The following PCARE variants were observed in gnomAD, a reference collection of about 807,000 sequenced individuals.
PCARE encodes uncharacterized protein C2orf71.
PCARE carries 72 observed loss-of-function variants against 82.2 expected under a neutral mutation model. That is an observed-to-expected ratio of 0.88 (90% confidence interval 0.72 to 1.07). The LOEUF (loss-of-function observed/expected upper bound fraction) is 1.07, where lower values mean the gene tolerates loss of function less well. Among genes scored for constraint, PCARE ranks in the 50% least tolerant of loss-of-function variants. PCARE has a pLI of 0.00. For synonymous variants in PCARE, 705 were observed against 634.8 expected, an observed-to-expected ratio of 1.11 and a Z score of -1.66; for missense variants, 1,768 against 1,592.4, an observed-to-expected ratio of 1.11 and a Z score of -1.88.
At position 29,071,906 on chromosome 2, in the gene PCARE, C is replaced by G. The variant is rs1406654014; in HGVS notation, c.2356G>C (p.Ala786Pro). The G allele has an allele frequency of 1.2e-6, 2 of 1,614,202 alleles. No individual in the cohort carries two copies. Among genetic ancestry groups the G allele is most frequent in the Non-Finnish European group, 1.7e-6 (2 of 1,180,032 alleles). ...PLYPKPQISP[A>P]SGRESLKMGI... ...ATTTTGAGAGATTCTCTGCCTGATGCTGGAGAAATTTGGGGCTTCGGATAC... is the reference window on the plus strand; with the variant it reads ...ATTTTGAGAGATTCTCTGCCTGATGGTGGAGAAATTTGGGGCTTCGGATAC... Residue 786 changes from alanine to proline, a missense_variant, in exon 1 of 2, where the codon GCA becomes CCA. Ala to Pro is a conservative substitution (Grantham distance 27). Transcript: ENST00000331664.
At chr2:29,067,798 G>C (rs1667412655) in intron 1 of PCARE, among the ~76,000 whole-genome samples, 1 of 152,158 alleles carries the variant, frequency 6.6e-6, no homozygotes, top group Middle Eastern at 3.2e-3. Context: ...ACCCACCTCA[G>C]CCTCCCAAAG....
chr2:29,068,102 TAATA>T (rs1667417047), intron 1 of PCARE, among the ~76,000 whole-genome samples: 1 of 152,252 alleles, frequency 6.6e-6, no homozygotes, highest in Admixed American at 6.5e-5. Context: ...TCTAGAAATC[TAATA>T]ACTGAATAAG....
At position 29,072,275 on chromosome 2, in the gene PCARE, T is replaced by C; in HGVS notation, c.1987A>G (p.Thr663Ala). 1 of 1,614,246 alleles carries C rather than the reference T, an allele frequency of 6.2e-7. No individual in the cohort carries two copies. The highest frequency in any genetic ancestry group is 8.5e-7 in the Non-Finnish European group (1 of 1,180,040). The change falls in exon 1 of 2, where the codon ACC becomes GCC. Residue 663 changes from threonine to alanine, a missense_variant. Coordinates refer to ENST00000331664, the MANE Select transcript of PCARE (RefSeq NM_001029883.3). ...GTGAGGGATGCCTTGAGCCTGCTGG[T>C]GGTGTTGCTTGGACTGACCCTGCAG... ...GTCRVSPSNTTSRLKASLTKN... is the reference protein window; with the variant it reads ...GTCRVSPSNTASRLKASLTKN...
rs1220510326 is a variant in PCARE, at chr2:29,071,551, T to C, written c.2711A>G (p.His904Arg). The C allele has an allele frequency of 1.9e-6, 3 of 1,610,652 alleles. No homozygotes were observed. Among genetic ancestry groups the C allele is most frequent in the African/African-American group, 2.7e-5 (2 of 75,050 alleles). Reference sequence around the variant, plus strand: ...CCTGCCACTCCCTGGCCCTGTGCTGTGAGGCTTGGTCAGGCTGGCGGTGCT... The same window carrying C: ...CCTGCCACTCCCTGGCCCTGTGCTGCGAGGCTTGGTCAGGCTGGCGGTGCT... ...SKSTASLTKP[H>R]STGPGSGRSS... is the part of the protein sequence containing the mutation. The change falls in exon 1 of 2, where the codon CAC (histidine) becomes CGC (arginine). Residue 904 changes from histidine (H) to arginine (R), a missense_variant. Coordinates refer to ENST00000331664, the MANE Select transcript of PCARE (RefSeq NM_001029883.3).
At position 29,074,099 on chromosome 2, in the gene PCARE, C is replaced by T. The variant is rs1467478035; in HGVS notation, c.163G>A (p.Glu55Lys). 6.2e-7 allele frequency: 1 copy of T among 1,614,196 alleles called. No individual in the cohort carries two copies. Among genetic ancestry groups the T allele is most frequent in the South Asian group, 1.1e-5 (1 of 91,080 alleles). ...CTTGGCTGCTCCTCTGCCAGGCCCTCCCCAGCGTCATAGCAGGTGGAGTTT... is the reference window on the plus strand; with the variant it reads ...CTTGGCTGCTCCTCTGCCAGGCCCTTCCCAGCGTCATAGCAGGTGGAGTTT... ...VKNSTCYDAG[E>K]GLAEEQPSPR... Residue 55 changes from glutamate to lysine, a missense_variant, in exon 1 of 2, where the codon GAG (glutamate) becomes AAG (lysine). Transcript: ENST00000331664.
rs1196715381 is a variant in PCARE, at chr2:29,071,635, G to A, written c.2627C>T (p.Thr876Ile). Residue 876 changes from threonine (T) to isoleucine (I), a missense_variant, in exon 1 of 2, where the codon ACA becomes ATA. Transcript: ENST00000331664. The stretch of plus-strand genomic sequence containing the variant: ...GGCCCTCAGCTTTGGGGAAGCCCAT[G>A]TTCTCCTGGTGGGGCCAGCCTCTCC... ...GPGEAGPTRRTWASPKLRASV... is the reference protein window; with the variant it reads ...GPGEAGPTRRIWASPKLRASV... 6.2e-7 allele frequency: 1 copy of A among 1,613,780 alleles called. No individual in the cohort carries two copies. The highest frequency in any genetic ancestry group is 8.5e-7 in the Non-Finnish European group (1 of 1,179,862).
chr2:29,074,278 C>A lies in PCARE; in HGVS notation c.-17G>T, dbSNP rs761690235. The A allele has an allele frequency of 9.2e-6, 14 of 1,518,138 alleles. No homozygotes were observed. The African/African-American group carries it at 1.7e-4, about 18-fold the overall frequency. 94.0% of individuals were successfully genotyped at this position (1,518,138 alleles called of 1,614,324 possible). A position where few individuals can be genotyped will look rare whatever the true frequency, so the allele number is the denominator to read the frequency against. ...ACACCCCATGATTTCAGCTTGTAGT[C>A]ATCTTCCACCCACCTTCACAATTTT... On this transcript the variant is annotated 5_prime_UTR_variant, in exon 1 of 2. An upstream start codon of the reference 5' UTR is lost. Coordinates refer to ENST00000331664, the MANE Select transcript of PCARE (RefSeq NM_001029883.3).
In PCARE at chr2:29,064,594, A is replaced by G. The variant is rs1306157894; in HGVS notation, c.*275T>C. The stretch of plus-strand genomic sequence containing the variant: ...CATTCTCCACCCCCCACCCCACCCC[A>G]AATTAAGGCCAGCACTTGAAGCATT... On this transcript the variant is annotated 3_prime_UTR_variant, in exon 2 of 2. Transcript: ENST00000331664. The G allele has an allele frequency of 5.5e-6, 3 of 548,026 alleles. No homozygotes were observed. In the East Asian group the frequency reaches 9.4e-5, roughly 17 times the overall value. The allele number at this position is 548,026 out of a possible 1,614,324, so 33.9% of individuals were successfully genotyped here. A position where few individuals can be genotyped will look rare whatever the true frequency, so the allele number is the denominator to read the frequency against.
intron 1 of PCARE, among the ~76,000 whole-genome samples, 195 bp downstream of exon 1, chr2:29,070,399 A>G (rs1032006471): frequency 2.0e-5 from 3 of 152,162 alleles, no homozygotes; most frequent in African/African-American, 7.2e-5. Context: ...TGGAATGTGT[A>G]ACAGATAAGA....
rs1667348984 is a variant in PCARE at position 29,063,972 on chromosome 2, A to G, written c.*897T>C. 6.5e-6 allele frequency: 1 copy of G among 153,220 alleles called. No individual in the cohort carries two copies. 9.5% of individuals were successfully genotyped at this position (153,220 alleles called of 1,614,324 possible). On this transcript the variant is annotated 3_prime_UTR_variant, in exon 2 of 2. Coordinates refer to ENST00000331664, the MANE Select transcript of PCARE (RefSeq NM_001029883.3). ...TGGAGAATGGGCTGCCTTGTTTGGG[A>G]GGCTTGGTTTACCCTACTCCGTCGA...
At chr2:29,066,635 C>A (rs7569316) in intron 1 of PCARE, among the ~76,000 whole-genome samples, 31,373 of 152,134 alleles carry the variant, frequency 0.21, 3,738 homozygotes, top group East Asian at 0.36. Flanking sequence ...GTGGGGTGGG[C>A]GCTAAGACCA....
At position 29,065,082 on chromosome 2, in the gene PCARE, G is replaced by T. The variant is rs1667372732; in HGVS notation, c.3669-15C>A. Reference sequence around the variant, plus strand: ...CCTCGCTGCTGCTGCCGAGAGAAAGGACAAGTGCAGGTCAGACACTCCTCC... The same window carrying T: ...CCTCGCTGCTGCTGCCGAGAGAAAGTACAAGTGCAGGTCAGACACTCCTCC... On this transcript the variant is annotated splice_polypyrimidine_tract_variant and intron_variant, in intron 1 of 1. Transcript: ENST00000331664. The T allele has an allele frequency of 6.5e-7, 1 of 1,548,640 alleles. No individual in the cohort carries two copies. Among genetic ancestry groups the T allele is most frequent in the African/African-American group, 1.4e-5 (1 of 73,048 alleles).
intron 1 of PCARE, among the ~76,000 whole-genome samples, chr2:29,068,121 G>A (rs902953349): frequency 1.3e-5 from 2 of 152,294 alleles, no homozygotes; most frequent in East Asian, 1.9e-4. Context: ...AATAAGTGGC[G>A]GGAGTGAGGA....
chr2:29,074,338 A>G lies in PCARE; in HGVS notation c.-77T>C, dbSNP rs976075247. ...ATATTTGAAATAGGAACAAAAGGCA[A>G]TCTTACTAGTCCATCCAGGCAATTT... is the stretch of plus-strand genomic sequence containing the variant. On this transcript the variant is annotated 5_prime_UTR_variant, in exon 1 of 2. Transcript: ENST00000331664. The G allele has an allele frequency of 1.4e-6, 2 of 1,455,234 alleles. No homozygotes were observed. The highest frequency in any genetic ancestry group is 2.3e-5 in the East Asian group (1 of 43,770). 90.1% of individuals were successfully genotyped at this position (1,455,234 alleles called of 1,614,324 possible).
At chr2:29,066,475 G>A (rs1265676872) in intron 1 of PCARE, among the ~76,000 whole-genome samples, 2 of 152,242 alleles carry the variant, frequency 1.3e-5, no homozygotes, top group Non-Finnish European at 1.5e-5. Flanking sequence ...CTCTGCTCGC[G>A]ACAGCACATT....
Position 29,064,518 on chromosome 2 carries a change from G to A in PCARE, c.*351C>T, listed in dbSNP as rs1489902993. 2.3e-6 allele frequency: 1 copy of A among 437,098 alleles called. No individual in the cohort carries two copies. The highest frequency in any genetic ancestry group is 4.2e-6 in the Non-Finnish European group (1 of 236,776). 27.1% of individuals were successfully genotyped at this position (437,098 alleles called of 1,614,324 possible). On this transcript the variant is annotated 3_prime_UTR_variant, in exon 2 of 2. Coordinates refer to ENST00000331664, the MANE Select transcript of PCARE (RefSeq NM_001029883.3). Reference sequence around the variant, plus strand: ...CTTCATTCACTGTTGTGAGGCTTAAGTGATCTCAAGGAATGAACCCAGTTA... The same window carrying A: ...CTTCATTCACTGTTGTGAGGCTTAAATGATCTCAAGGAATGAACCCAGTTA...
In PCARE at chr2:29,071,726, G is replaced by T; in HGVS notation, c.2536C>A (p.Leu846Met). 1 of 1,614,004 alleles carries T rather than the reference G, an allele frequency of 6.2e-7. No homozygotes were observed. Among genetic ancestry groups the T allele is most frequent in the African/African-American group, 1.3e-5 (1 of 75,052 alleles). The change falls in exon 1 of 2, where the codon CTG becomes ATG. Residue 846 changes from leucine to methionine, a missense_variant. By Grantham distance (15) the Leu-to-Met change is conservative. Transcript: ENST00000331664. ...EVLMDKSFAS[L>M]ESPESSKSTE... ...GACTTGCTGCTTTCTGGGGACTCCA[G>T]AGAAGCGAATGATTTGTCCATCAGA...
At position 29,070,787 on chromosome 2, in the gene PCARE, G is replaced by A. The variant is rs1338838387; in HGVS notation, c.3475C>T (p.Pro1159Ser). ...GAGCTGTTCTTCCAGCATTCTGCTG[G>A]GTTCCCGAGAGGGCCCCCAGCCTCT... ...PPEAGGPLGN[P>S]AECWKNSSGP... The change falls in exon 1 of 2, where the codon CCA (proline) becomes TCA (serine). Residue 1159 changes from proline to serine, a missense_variant. Transcript: ENST00000331664. 2.5e-6 allele frequency: 4 copies of A among 1,614,036 alleles called. No individual in the cohort carries two copies. Among genetic ancestry groups the A allele is most frequent in the East Asian group, 2.2e-5 (1 of 44,892 alleles).
chr2:29,073,877 A>G lies in PCARE; in HGVS notation c.385T>C (p.Phe129Leu). The G allele has an allele frequency of 1.9e-6, 3 of 1,614,202 alleles. No individual in the cohort carries two copies. The highest frequency in any genetic ancestry group is 2.5e-6 in the Non-Finnish European group (3 of 1,180,034). The change falls in exon 1 of 2, where the codon TTT (phenylalanine) becomes CTT (leucine). Residue 129 changes from phenylalanine (F) to leucine (L), a missense_variant. Coordinates refer to ENST00000331664, the MANE Select transcript of PCARE (RefSeq NM_001029883.3). The part of the protein sequence containing the change: ...QGSHGSQGAD[F>L]SGDESEESST... Reference sequence around the variant, plus strand: ...CTTTCCTCACTCTCATCTCCAGAAAAGTCTGCCCCTTGTGATCCATGGGAA... The same window carrying G: ...CTTTCCTCACTCTCATCTCCAGAAAGGTCTGCCCCTTGTGATCCATGGGAA...
Sources: gnomAD v4.1 joint callset for allele counts (sites outside exome capture counted in the v4.1 genomes callset) on GRCh38, gnomAD v4.1.1 for gene constraint, MANE v1.5 for transcripts, NCBI Gene and HGNC (gene_info 2026-07-23, HGNC 2026-07-21) for gene names.